EPHA3: variants seen among roughly 807,000 people sequenced by gnomAD.
EPHA3 encodes ephrin type-A receptor 3.
EPHA3 carries 42 observed loss-of-function variants against 107.1 expected under a neutral mutation model. That is an observed-to-expected ratio of 0.39 (90% confidence interval 0.31 to 0.51). The LOEUF is 0.51. EPHA3 is among the 20% of genes least tolerant of loss of function. The pLI, the probability that EPHA3 is intolerant of heterozygous loss-of-function variation, is 0.78. For synonymous variants in EPHA3, 461 were observed against 424.8 expected, an observed-to-expected ratio of 1.09 and a Z score of -1.05; for missense variants, 1,183 against 1,211.2, an observed-to-expected ratio of 0.98 and a Z score of 0.35.
intron 2 of EPHA3, among the ~76,000 whole-genome samples, chr3:89,128,091 C>G (rs1287207927): frequency 2.6e-5 from 4 of 152,024 alleles, no homozygotes; most frequent in Non-Finnish European, 4.4e-5. Flanking sequence ...GTCATAGGAA[C>G]AAATTTATGT....
chr3:89,355,948 G>C (rs563800199), intron 5 of EPHA3, among the ~76,000 whole-genome samples: 1 of 149,092 alleles, frequency 6.7e-6, no homozygotes, highest in African/African-American at 2.4e-5. Context: ...TCTTCATTTA[G>C]CATTAGGTAC....
chr3:89,233,120 G>T (rs1704675479), intron 3 of EPHA3, among the ~76,000 whole-genome samples: 1 of 151,920 alleles, frequency 6.6e-6, no homozygotes, highest in Non-Finnish European at 1.5e-5. Context: ...ATAACAAAAA[G>T]GTTAGAATTT....
intron 5 of EPHA3, among the ~76,000 whole-genome samples, chr3:89,390,816 C>T (rs1457137114): frequency 7.9e-5 from 10 of 125,988 alleles, no homozygotes; most frequent in Admixed American, 5.7e-4. Flanking sequence ...CAGAGTTTTA[C>T]TCTTGTTTTC....
chr3:89,232,602 G>A (rs7428532), intron 3 of EPHA3, among the ~76,000 whole-genome samples: 74,723 of 151,986 alleles, frequency 0.49, 19,503 homozygotes, highest in East Asian at 0.69. Flanking sequence ...TTAAATACTA[G>A]TGGGGCAAGG....
intron 3 of EPHA3, among the ~76,000 whole-genome samples, chr3:89,335,009 G>A (rs1215346064): frequency 6.6e-6 from 1 of 152,124 alleles, no homozygotes; most frequent in Non-Finnish European, 1.5e-5. Context: ...CCAATTCTCA[G>A]GTGAGAAGAT....
intron 9 of EPHA3, 94 bp from the exon 10 acceptor site, chr3:89,413,047 G>A: frequency 6.5e-7 from 1 of 1,534,248 alleles, no homozygotes; most frequent in Non-Finnish European, 8.9e-7. Flanking sequence ...TATGGGGTAG[G>A]GATTTTTTTA....
At chr3:89,112,355 C>A (rs937067378) in intron 1 of EPHA3, among the ~76,000 whole-genome samples, 2 of 151,912 alleles carry the variant, frequency 1.3e-5, no homozygotes, top group African/African-American at 4.8e-5. Context: ...AGTAATCTCA[C>A]GTTGCTCTTA....
intron 2 of EPHA3, among the ~76,000 whole-genome samples, chr3:89,199,859 T>C (rs1412636623): frequency 6.6e-6 from 1 of 152,210 alleles, no homozygotes; most frequent in Non-Finnish European, 1.5e-5. Context: ...AAAGCACACT[T>C]CTGTCTGTAC....
intron 13 of EPHA3, among the ~76,000 whole-genome samples, chr3:89,432,785 T>C (rs1273980231): frequency 6.6e-6 from 1 of 152,138 alleles, no homozygotes; most frequent in Non-Finnish European, 1.5e-5. Context: ...GATTATACTT[T>C]ATATACTGAT....
chr3:89,244,817 A>G (rs1704993315), intron 3 of EPHA3, among the ~76,000 whole-genome samples: 1 of 152,166 alleles, frequency 6.6e-6, no homozygotes, highest in Non-Finnish European at 1.5e-5. Flanking sequence ...GGGCTTTTCA[A>G]TTTTGCCAAA....
At chr3:89,244,153 A>T (rs1462429045) in intron 3 of EPHA3, among the ~76,000 whole-genome samples, 1 of 152,144 alleles carries the variant, frequency 6.6e-6, no homozygotes, top group Middle Eastern at 3.2e-3. Flanking sequence ...ACAAACTGTA[A>T]TTCTGAAAAA....
chr3:89,328,529 A>G (rs1707221739), intron 3 of EPHA3, among the ~76,000 whole-genome samples: 1 of 152,176 alleles, frequency 6.6e-6, no homozygotes, highest in African/African-American at 2.4e-5. Flanking sequence ...TCACCCTTCC[A>G]TTAAATTGGT....
chr3:89,138,246 A>T (rs1274005422), intron 2 of EPHA3, among the ~76,000 whole-genome samples: 1 of 151,872 alleles, frequency 6.6e-6, no homozygotes, highest in African/African-American at 2.4e-5. Context: ...TGGGAAATCT[A>T]TTCCTGGAAA....
intron 1 of EPHA3, among the ~76,000 whole-genome samples, chr3:89,120,632 T>C (rs1707356451): frequency 6.6e-6 from 1 of 152,214 alleles, no homozygotes; most frequent in African/African-American, 2.4e-5. Context: ...AGTAAGTTTC[T>C]AGCAGAATTT....
intron 11 of EPHA3, among the ~76,000 whole-genome samples, chr3:89,422,355 A>G (rs1362120392): frequency 6.6e-6 from 1 of 150,658 alleles, no homozygotes; most frequent in Non-Finnish European, 1.5e-5. Flanking sequence ...GCACACATGC[A>G]CACACACACA....
chr3:89,448,634 A>C (rs926863116), intron 13 of EPHA3, among the ~76,000 whole-genome samples: 1 of 152,210 alleles, frequency 6.6e-6, no homozygotes, highest in Non-Finnish European at 1.5e-5. Context: ...ACTATCCAGA[A>C]GACACTTCAA....
At chr3:89,342,208 C>A in intron 5 of EPHA3, 118 bp downstream of exon 5, 1 of 820,216 alleles carries the variant, frequency 1.2e-6, no homozygotes, top group South Asian at 2.0e-5. Context: ...CAGGATTTTG[C>A]CTTCTAACAC....
chr3:89,383,780 CT>C (rs1346078214), intron 5 of EPHA3, among the ~76,000 whole-genome samples: 3 of 151,226 alleles, frequency 2.0e-5, no homozygotes, highest in African/African-American at 7.3e-5. Context: ...TCCCGAGTAG[CT>C]GGGACTACAG....
rs1576233663 is a variant in EPHA3 at position 89,210,610 on chromosome 3, T to C, written c.814+90T>C. On this transcript the variant is annotated intron_variant, in intron 3 of 16. Transcript: ENST00000336596. ...TAAATGAAATGCACTCAGTCTCAAC[T>C]CACTTGGCAGGAAAACATGCCTCAA... The C allele has an allele frequency of 5.1e-6, 7 of 1,380,178 alleles. No homozygotes were observed. The East Asian group carries it at 1.7e-4, about 33-fold the overall frequency. The allele number at this position is 1,380,178 out of a possible 1,614,324, so 85.5% of individuals were successfully genotyped here.
Sources: gnomAD v4.1 joint callset for allele counts (sites outside exome capture counted in the v4.1 genomes callset) on GRCh38, gnomAD v4.1.1 for gene constraint, MANE v1.5 for transcripts, NCBI Gene and HGNC (gene_info 2026-07-23, HGNC 2026-07-21) for gene names.